Variants in RBFOX1 observed in about 807,000 individuals in gnomAD.
The protein encoded by RBFOX1 is RNA binding fox-1 homolog 1, also known as RNA binding protein fox-1 homolog 1.
A neutral mutation model predicts 57.7 loss-of-function variants in RBFOX1; 8 were observed. That is an observed-to-expected ratio of 0.14 (90% CI 0.08 to 0.25). The LOEUF is 0.25. Ranked by LOEUF, RBFOX1 falls within the 10% of genes least tolerant of loss-of-function variation. The pLI is 1.00. For missense variants in RBFOX1, 611 were observed against 548.5 expected (o/e 1.11, Z -1.14); for synonymous variants, 326 against 222.4 (o/e 1.47, Z -4.15).
chr16:5,490,636 C>T (rs2042796408), intron 2 of RBFOX1, among the ~76,000 whole-genome samples: 1 of 152,136 alleles, frequency 6.6e-6, no homozygotes, highest in Non-Finnish European at 1.5e-5. Context: ...TTCCTCTGGG[C>T]ACTCCTATCT....
At chr16:7,238,346 TAAAA>T (rs2093881429) in intron 4 of RBFOX1, among the ~76,000 whole-genome samples, 1 of 147,050 alleles carries the variant, frequency 6.8e-6, no homozygotes, top group African/African-American at 2.6e-5. Flanking sequence ...AATAAATAAA[TAAAA>T]TAAAAATTAA....
chr16:6,232,189 C>T (rs547576624), intron 1 of RBFOX1, among the ~76,000 whole-genome samples: 2 of 152,252 alleles, frequency 1.3e-5, no homozygotes, highest in African/African-American at 4.8e-5. Context: ...GGGGAAACAG[C>T]AGAGAAGTGG....
At chr16:5,949,338 A>T (rs1373246358) in intron 4 of RBFOX1, among the ~76,000 whole-genome samples, 1 of 151,950 alleles carries the variant, frequency 6.6e-6, no homozygotes, top group Non-Finnish European at 1.5e-5. Context: ...CATCCTGTCT[A>T]ACACAGTGAA....
At chr16:6,364,827 G>T (rs925737799) in intron 2 of RBFOX1, among the ~76,000 whole-genome samples, 1 of 152,182 alleles carries the variant, frequency 6.6e-6, no homozygotes, top group African/African-American at 2.4e-5. Flanking sequence ...GCTGACTTGG[G>T]AGAGAGTAAC....
At chr16:6,789,221 A>G (rs966163339) in intron 3 of RBFOX1, among the ~76,000 whole-genome samples, 4 of 152,144 alleles carry the variant, frequency 2.6e-5, no homozygotes, top group African/African-American at 7.2e-5. Flanking sequence ...TGCACGTGAC[A>G]AGATGAATGT....
intron 4 of RBFOX1, among the ~76,000 whole-genome samples, chr16:7,483,614 T>C (rs1370705604): frequency 6.6e-6 from 1 of 152,194 alleles, no homozygotes; most frequent in Non-Finnish European, 1.5e-5. Context: ...GACAGTGTTC[T>C]TATTGGGGTG....
chr16:5,446,398 A>T (rs1043731271), intron 1 of RBFOX1, among the ~76,000 whole-genome samples: 1 of 152,190 alleles, frequency 6.6e-6, no homozygotes, highest in Non-Finnish European at 1.5e-5. Flanking sequence ...CTCACTGGAA[A>T]TGTTTCTTTC....
chr16:6,553,960 A>T (rs565759267), intron 2 of RBFOX1, among the ~76,000 whole-genome samples: 1 of 152,302 alleles, frequency 6.6e-6, no homozygotes, highest in African/African-American at 2.4e-5. Context: ...GAGGGCAGGT[A>T]CCAGGGTTTA....
At chr16:6,677,379 T>C (rs1471740030) in intron 3 of RBFOX1, among the ~76,000 whole-genome samples, 2 of 152,186 alleles carry the variant, frequency 1.3e-5, no homozygotes, top group Admixed American at 6.5e-5. Flanking sequence ...TGTAAATATA[T>C]GTGATATGTT....
chr16:5,827,822 C>T (rs939752062), intron 3 of RBFOX1, among the ~76,000 whole-genome samples: 3 of 152,084 alleles, frequency 2.0e-5, no homozygotes, highest in Admixed American at 6.6e-5. Context: ...TCCACTCACC[C>T]ATCCACCTGG....
chr16:5,630,543 C>G (rs944804143), intron 3 of RBFOX1, among the ~76,000 whole-genome samples: 1 of 152,194 alleles, frequency 6.6e-6, no homozygotes, highest in Non-Finnish European at 1.5e-5. Context: ...GTTCTTCAAT[C>G]TCTGCCTGCA....
intron 4 of RBFOX1, among the ~76,000 whole-genome samples, chr16:7,173,484 A>T (rs67098857): frequency 0.18 from 26,652 of 150,450 alleles, 3,325 homozygotes; most frequent in East Asian, 0.42. Flanking sequence ...CACGAGTTCC[A>T]TTTGACACTT....
At chr16:7,436,411 C>G (rs1567159192) in intron 4 of RBFOX1, among the ~76,000 whole-genome samples, 1 of 152,134 alleles carries the variant, frequency 6.6e-6, no homozygotes, top group South Asian at 2.1e-4. Context: ...ATTTCCTGTT[C>G]AAAGGTTGGG....
intron 4 of RBFOX1, among the ~76,000 whole-genome samples, chr16:7,278,178 G>A (rs1188153134): frequency 6.6e-6 from 1 of 152,182 alleles, no homozygotes; most frequent in Non-Finnish European, 1.5e-5. Context: ...GTTGGAAATG[G>A]TTGATATGGT....
At chr16:7,631,061 A>T (rs1436565426) in intron 11 of RBFOX1, among the ~76,000 whole-genome samples, 1 of 152,234 alleles carries the variant, frequency 6.6e-6, no homozygotes, top group Non-Finnish European at 1.5e-5. Flanking sequence ...AAAGATGCTT[A>T]ACCAGGATTC....
At chr16:6,930,210 A>T (rs1215688568) in intron 3 of RBFOX1, among the ~76,000 whole-genome samples, 1 of 152,162 alleles carries the variant, frequency 6.6e-6, no homozygotes, top group Non-Finnish European at 1.5e-5. Context: ...ATATATTGAG[A>T]ACTCCTAAAA....
At chr16:5,532,728 A>T (rs2044537179) in intron 2 of RBFOX1, among the ~76,000 whole-genome samples, 1 of 152,196 alleles carries the variant, frequency 6.6e-6, no homozygotes, top group Non-Finnish European at 1.5e-5. Context: ...GTGCTTTATC[A>T]AAAGTGGCTT....
intron 4 of RBFOX1, among the ~76,000 whole-genome samples, chr16:7,088,161 G>A (rs550460403): frequency 3.3e-5 from 5 of 152,088 alleles, no homozygotes; most frequent in South Asian, 2.1e-4. Context: ...GGGGATGTAC[G>A]GTTTTCTGTT....
intron 2 of RBFOX1, among the ~76,000 whole-genome samples, chr16:6,507,476 AC>A (rs1484218239): frequency 4.8e-5 from 6 of 124,212 alleles, no homozygotes; most frequent in Non-Finnish European, 8.1e-5. Context: ...TTGGAAATCA[AC>A]CTGGGCAACA....
Sources: gnomAD v4.1 joint callset for allele counts (sites outside exome capture counted in the v4.1 genomes callset) on GRCh38, gnomAD v4.1.1 for gene constraint, MANE v1.5 for transcripts, NCBI Gene and HGNC (gene_info 2026-07-23, HGNC 2026-07-21) for gene names.